CHSY3: variants seen among roughly 807,000 people sequenced by gnomAD.
The protein encoded by CHSY3 is chondroitin sulfate synthase 3, also known as N-acetylgalactosaminyl-proteoglycan 3-beta-glucuronosyltransferase 3.
A neutral mutation model predicts 67.2 loss-of-function variants in CHSY3; 35 were observed. That is an observed-to-expected ratio of 0.52 (90% CI 0.40 to 0.69). CHSY3 has a LOEUF of 0.69. Ranked by LOEUF, CHSY3 falls within the 30% of genes least tolerant of loss-of-function variation. CHSY3 has a pLI of 0.00. For synonymous variants in CHSY3, 474 were observed against 434.7 expected, an observed-to-expected ratio of 1.09 and a Z score of -1.12; for missense variants, 1,069 against 1,138.5, an observed-to-expected ratio of 0.94 and a Z score of 0.88.
At chr5:130,003,257 A>G (rs1377356282) in intron 2 of CHSY3, among the ~76,000 whole-genome samples, 3 of 152,210 alleles carry the variant, frequency 2.0e-5, no homozygotes, top group Non-Finnish European at 2.9e-5. Context: ...GTACAATGCC[A>G]TGTTGTAATG....
intron 2 of CHSY3, among the ~76,000 whole-genome samples, chr5:130,041,645 A>G (rs1335667960): frequency 1.3e-5 from 2 of 152,128 alleles, no homozygotes; most frequent in Non-Finnish European, 1.5e-5. Context: ...AGAAATAAGC[A>G]AAGAGAGAGA....
intron 2 of CHSY3, among the ~76,000 whole-genome samples, chr5:130,135,222 A>T (rs1216115335): frequency 6.6e-6 from 1 of 151,852 alleles, no homozygotes; most frequent in Non-Finnish European, 1.5e-5. Flanking sequence ...ACACACAAAC[A>T]TATATGCATG....
chr5:130,184,120 T>C, intron 2 of CHSY3, 109 bp from the exon 3 acceptor site: 1 of 1,051,060 alleles, frequency 9.5e-7, no homozygotes, highest in South Asian at 4.3e-5. Flanking sequence ...TGAAATACCA[T>C]ACCAAAAATG....
At chr5:130,106,588 T>C (rs1767420892) in intron 2 of CHSY3, among the ~76,000 whole-genome samples, 1 of 151,560 alleles carries the variant, frequency 6.6e-6, no homozygotes, top group Non-Finnish European at 1.5e-5. Flanking sequence ...GAAAATAAAG[T>C]GAAGTAGGAA....
At chr5:130,111,936 C>A (rs1270280972) in intron 2 of CHSY3, among the ~76,000 whole-genome samples, 1 of 152,032 alleles carries the variant, frequency 6.6e-6, no homozygotes, top group African/African-American at 2.4e-5. Flanking sequence ...CTCATTTAAC[C>A]CTCGTATCAT....
chr5:129,960,725 A>T (rs989042072), intron 2 of CHSY3, among the ~76,000 whole-genome samples: 34 of 152,088 alleles, frequency 2.2e-4, no homozygotes, highest in East Asian at 7.7e-4. Context: ...AATATTTTTT[A>T]AAAAAATAAT....
intron 2 of CHSY3, among the ~76,000 whole-genome samples, chr5:129,912,908 G>A (rs923387686): frequency 6.6e-6 from 1 of 152,164 alleles, no homozygotes; most frequent in Non-Finnish European, 1.5e-5. Context: ...ATAACCAACA[G>A]ACTTCATGGG....
chr5:130,159,305 C>T (rs1207141675), intron 2 of CHSY3, among the ~76,000 whole-genome samples: 1 of 151,834 alleles, frequency 6.6e-6, no homozygotes, highest in Non-Finnish European at 1.5e-5. Flanking sequence ...GCCAGGACTA[C>T]AGGCGTGCGC....
chr5:129,978,008 T>A (rs1762865770), intron 2 of CHSY3, among the ~76,000 whole-genome samples: 1 of 152,160 alleles, frequency 6.6e-6, no homozygotes, highest in Non-Finnish European at 1.5e-5. Context: ...CTTCAGCAGT[T>A]TTTCTTTCTC....
At chr5:130,047,002 A>G (rs1292808390) in intron 2 of CHSY3, among the ~76,000 whole-genome samples, 2 of 151,690 alleles carry the variant, frequency 1.3e-5, no homozygotes, top group Non-Finnish European at 2.9e-5. Flanking sequence ...GCTGATGTAA[A>G]TTTTCTTAAT....
rs114704949 is a variant in CHSY3 at position 130,000,862 on chromosome 5, C to T, written c.1086+92502C>T. Among the ~76,000 whole-genome samples, 1,235 of 141,472 alleles carry T rather than the reference C, an allele frequency of 8.7e-3. 13 individuals carry two copies. The highest frequency in any genetic ancestry group is 0.03 in the African/African-American group (1,144 of 38,190). 92.8% of individuals were successfully genotyped at this position (141,472 alleles called of 152,430 possible). A position where few individuals can be genotyped will look rare whatever the true frequency, so the allele number is the denominator to read the frequency against. ...AAAGTGCTGGGATTACAGGCTAGGG[C>T]ACAGCACCAGCCAGCCTGTCTTCTT... On this transcript the variant is annotated intron_variant, in intron 2 of 2. Coordinates refer to ENST00000305031, the MANE Select transcript of CHSY3 (RefSeq NM_175856.5).
chr5:130,019,403 A>G (rs890037639), intron 2 of CHSY3, among the ~76,000 whole-genome samples: 20 of 152,052 alleles, frequency 1.3e-4, no homozygotes, highest in Non-Finnish European at 2.1e-4. Context: ...TTGCTTCCCG[A>G]TACTCATACA....
Position 130,185,275 on chromosome 5 carries a change from C to G in CHSY3, c.2133C>G (p.Asp711Glu). 6.2e-7 allele frequency: 1 copy of G among 1,609,230 alleles called. No homozygotes were observed. The part of the protein sequence containing the change: ...LEMASAQFDN[D>E]TLLLFCDVDL... ...TGGCTTCTGCCCAGTTTGACAATGACACTTTGCTGCTATTTTGTGATGTTG... is the reference window on the plus strand; with the variant it reads ...TGGCTTCTGCCCAGTTTGACAATGAGACTTTGCTGCTATTTTGTGATGTTG... Residue 711 changes from aspartate (D) to glutamate (E), a missense_variant, in exon 3 of 3, where the codon GAC becomes GAG. Asp to Glu is a conservative substitution (Grantham distance 45). This residue lies in a region of CHSY3 where 401 missense variants were observed against 395.2 expected (regional missense o/e 1.01). Coordinates refer to ENST00000305031, the MANE Select transcript of CHSY3 (RefSeq NM_175856.5).
intron 2 of CHSY3, among the ~76,000 whole-genome samples, chr5:130,105,501 T>C (rs1319048707): frequency 6.6e-6 from 1 of 151,684 alleles, no homozygotes; most frequent in African/African-American, 2.4e-5. Context: ...CATGAAGTAG[T>C]AACATTCTCA....
At chr5:129,923,687 C>T (rs1760999116) in intron 2 of CHSY3, among the ~76,000 whole-genome samples, 1 of 151,894 alleles carries the variant, frequency 6.6e-6, no homozygotes, top group Non-Finnish European at 1.5e-5. Flanking sequence ...CTTGGAAACA[C>T]AATTGGCAGA....
chr5:130,095,286 G>A (rs1363521715), intron 2 of CHSY3, among the ~76,000 whole-genome samples: 1 of 152,092 alleles, frequency 6.6e-6, no homozygotes, highest in Non-Finnish European at 1.5e-5. Context: ...ATACAGTTCT[G>A]CAGTAAAAAA....
At chr5:130,075,933 A>G (rs1375439503) in intron 2 of CHSY3, among the ~76,000 whole-genome samples, 1 of 152,168 alleles carries the variant, frequency 6.6e-6, no homozygotes, top group Non-Finnish European at 1.5e-5. Context: ...TTTTAAGGGA[A>G]TTACCAACTT....
At chr5:130,023,077 A>C (rs1764439729) in intron 2 of CHSY3, among the ~76,000 whole-genome samples, 2 of 152,054 alleles carry the variant, frequency 1.3e-5, no homozygotes, top group Admixed American at 1.3e-4. Context: ...AAATTATTGA[A>C]ACATTTCATA....
At chr5:129,913,682 A>G (rs942220790) in intron 2 of CHSY3, among the ~76,000 whole-genome samples, 1 of 152,182 alleles carries the variant, frequency 6.6e-6, no homozygotes, top group African/African-American at 2.4e-5. Context: ...GTTTAAGAAT[A>G]GTTTGTATTT....
Sources: gnomAD v4.1 joint callset for allele counts (sites outside exome capture counted in the v4.1 genomes callset) on GRCh38, gnomAD v4.1.1 for gene constraint, gnomAD v4.1.1 regional missense constraint, MANE v1.5 for transcripts, NCBI Gene and HGNC (gene_info 2026-07-23, HGNC 2026-07-21) for gene names.